Variants in HPSE2 observed in about 807,000 individuals in gnomAD.
HPSE2 encodes heparanase 2 (inactive).
Under a neutral mutation model 60.5 loss-of-function variants are expected in HPSE2, and 38 were observed. The ratio of observed to expected loss-of-function variants is 0.63; its 90% CI spans 0.48 to 0.82. The LOEUF (loss-of-function observed/expected upper bound fraction) is 0.82, where lower values mean the gene tolerates loss of function less well. HPSE2 is among the 40% of genes least tolerant of loss of function. The pLI is 0.00. For missense variants in HPSE2, 713 were observed against 740.4 expected, an observed-to-expected ratio of 0.96 and a Z score of 0.43; for synonymous variants, 295 against 293.2, an observed-to-expected ratio of 1.01 and a Z score of -0.06.
chr10:98,846,186 G>A (rs1565205905), intron 3 of HPSE2, among the ~76,000 whole-genome samples: 1 of 152,126 alleles, frequency 6.6e-6, no homozygotes, highest in African/African-American at 2.4e-5. Flanking sequence ...TGGATCAAAA[G>A]CCTATACCAG....
chr10:99,039,177 T>C (rs1479958552), intron 3 of HPSE2, among the ~76,000 whole-genome samples: 1 of 152,194 alleles, frequency 6.6e-6, no homozygotes, highest in Non-Finnish European at 1.5e-5. Flanking sequence ...TTTACAATAG[T>C]GTGAAGCAGA....
intron 3 of HPSE2, among the ~76,000 whole-genome samples, chr10:98,983,277 C>T (rs547460987): frequency 5.3e-5 from 8 of 152,246 alleles, no homozygotes. Context: ...AGCTTGTTTT[C>T]CTCTAACTAG....
At chr10:99,200,869 A>T (rs1403921469) in intron 2 of HPSE2, among the ~76,000 whole-genome samples, 1 of 152,194 alleles carries the variant, frequency 6.6e-6, no homozygotes, top group Admixed American at 6.5e-5. Flanking sequence ...TAGCTGTATA[A>T]GAAGGTATCT....
intron 9 of HPSE2, among the ~76,000 whole-genome samples, chr10:98,561,153 G>T (rs1401225518): frequency 2.6e-5 from 3 of 113,216 alleles, no homozygotes; most frequent in Non-Finnish European, 3.7e-5. Context: ...AGTGATACTG[G>T]TTTTTTTTTT....
At position 99,126,483 on chromosome 10, in the gene HPSE2, A is replaced by G. The variant is rs912026256; in HGVS notation, c.610+17755T>C. Among the ~76,000 whole-genome samples the G allele has an allele frequency of 1.3e-5, 2 of 151,420 alleles. No individual in the cohort carries two copies. Among genetic ancestry groups the G allele is most frequent in the African/African-American group, 4.9e-5 (2 of 41,142 alleles). ...TATGGCAAGCGTAGATCTCCTTACT[A>G]CTGTTGCAGCTGGTGCTCTCTTGAA... On this transcript the variant is annotated intron_variant, in intron 3 of 11. Coordinates refer to ENST00000370552, the MANE Select transcript of HPSE2 (RefSeq NM_021828.5). The surrounding 1 kb of genome is among the most constrained non-coding windows in gnomAD (Gnocchi z 4.0).
chr10:99,231,698 GA>G lies in HPSE2; in HGVS notation c.448+649del, dbSNP rs58267765. On this transcript the variant is annotated intron_variant, in intron 2 of 11. Transcript: ENST00000370552. ...GCATTTGTAATCCCATTTTAAAACA[GA>G]AAAAAAAAAATGCAACTCTGAGATT... Among the ~76,000 whole-genome samples, 424 of 144,194 alleles carry G rather than the reference GA, an allele frequency of 2.9e-3. 2 individuals carry two copies. Among genetic ancestry groups the G allele is most frequent in the African/African-American group, 8.3e-3 (332 of 39,786 alleles). 94.6% of individuals were successfully genotyped at this position (144,194 alleles called of 152,430 possible). A position where few individuals can be genotyped will look rare whatever the true frequency, so the allele number is the denominator to read the frequency against.
chr10:98,807,778 A>G (rs993662552), intron 3 of HPSE2, among the ~76,000 whole-genome samples: 6 of 152,344 alleles, frequency 3.9e-5, no homozygotes, highest in Admixed American at 3.9e-4. Flanking sequence ...TCTTGGTGAT[A>G]GTATTTACTT....
At chr10:98,999,935 T>G (rs943008356) in intron 3 of HPSE2, among the ~76,000 whole-genome samples, 3 of 152,172 alleles carry the variant, frequency 2.0e-5, no homozygotes, top group African/African-American at 4.8e-5. Flanking sequence ...GAATTTGCAG[T>G]ATGATAGATG....
chr10:98,551,330 G>A (rs899629790), intron 9 of HPSE2, among the ~76,000 whole-genome samples: 5 of 152,144 alleles, frequency 3.3e-5, no homozygotes, highest in Non-Finnish European at 4.4e-5. Context: ...GAATGAAGAC[G>A]TGGACTATGT....
intron 3 of HPSE2, among the ~76,000 whole-genome samples, chr10:99,063,195 T>G (rs1348680364): frequency 6.6e-6 from 1 of 152,150 alleles, no homozygotes; most frequent in Non-Finnish European, 1.5e-5. Flanking sequence ...TAAAAATAAA[T>G]TTTTTGGAAG....
intron 4 of HPSE2, among the ~76,000 whole-genome samples, chr10:98,735,032 G>A (rs1251987056): frequency 6.6e-6 from 1 of 151,994 alleles, no homozygotes; most frequent in East Asian, 2.0e-4. Context: ...CTACATTTGG[G>A]TTTACTCTTC....
chr10:98,830,847 T>C (rs950814486), intron 3 of HPSE2, among the ~76,000 whole-genome samples: 4 of 152,214 alleles, frequency 2.6e-5, no homozygotes, highest in Non-Finnish European at 4.4e-5. Flanking sequence ...TTTTCAATAA[T>C]GGAGATGAAA....
chr10:99,055,826 T>A (rs1438764274), intron 3 of HPSE2, among the ~76,000 whole-genome samples: 1 of 152,048 alleles, frequency 6.6e-6, no homozygotes, highest in Non-Finnish European at 1.5e-5. Context: ...CAGAACAGTG[T>A]TTGAAGAAGG....
chr10:98,878,444 C>T (rs76943452), intron 3 of HPSE2, among the ~76,000 whole-genome samples: 34 of 151,902 alleles, frequency 2.2e-4, no homozygotes, highest in Admixed American at 2.0e-3. Context: ...CTTGCTCTCA[C>T]GGAGCTTATT....
intron 3 of HPSE2, among the ~76,000 whole-genome samples, chr10:98,803,365 C>T (rs896429024): frequency 1.3e-5 from 2 of 150,386 alleles, no homozygotes; most frequent in African/African-American, 4.9e-5. Flanking sequence ...GTTTCCATTG[C>T]TTTTGGTGTT....
At chr10:98,675,641 T>C (rs978644178) in intron 6 of HPSE2, among the ~76,000 whole-genome samples, 3 of 151,754 alleles carry the variant, frequency 2.0e-5, no homozygotes, top group Non-Finnish European at 4.4e-5. Context: ...GGTGGGAGGA[T>C]AACTTAAGCT....
At chr10:98,955,750 T>C (rs1275866859) in intron 3 of HPSE2, among the ~76,000 whole-genome samples, 1 of 152,180 alleles carries the variant, frequency 6.6e-6, no homozygotes, top group Non-Finnish European at 1.5e-5. Flanking sequence ...ATGTGGTACA[T>C]ATATACCATG....
chr10:99,052,063 A>C (rs1302232600), intron 3 of HPSE2, among the ~76,000 whole-genome samples: 1 of 152,018 alleles, frequency 6.6e-6, no homozygotes, highest in Non-Finnish European at 1.5e-5. Context: ...TAAAAATGTG[A>C]CCCATAATTA....
intron 3 of HPSE2, among the ~76,000 whole-genome samples, chr10:98,838,811 C>A (rs1436545503): frequency 6.6e-6 from 1 of 152,012 alleles, no homozygotes. Context: ...GGAAGTTGTC[C>A]ATTTCCCCAT....
Sources: allele counts gnomAD v4.1 joint callset (sites outside exome capture counted in the v4.1 genomes callset), GRCh38; gene constraint gnomAD v4.1.1; non-coding constraint Gnocchi (gnomAD v3.1); transcripts MANE v1.5; gene names NCBI Gene and HGNC (gene_info 2026-07-23, HGNC 2026-07-21).